TBC1D23: variants seen among roughly 807,000 people sequenced by gnomAD.
TBC1D23 encodes the protein HCV non-structural protein 4A-transactivated protein 1.
Under a neutral mutation model 91.4 loss-of-function variants are expected in TBC1D23, and 55 were observed. That is an observed-to-expected ratio of 0.60 (90% CI 0.48 to 0.75). The LOEUF is 0.75. Ranked by LOEUF, TBC1D23 falls within the 30% of genes least tolerant of loss-of-function variation. The pLI is 0.00. For missense variants in TBC1D23, 725 were observed against 836.1 expected, an observed-to-expected ratio of 0.87 and a Z score of 1.64; for synonymous variants, 289 against 281.0, an observed-to-expected ratio of 1.03 and a Z score of -0.28.
At chr3:100,273,084 C>A (rs575749950) in intron 1 of TBC1D23, among the ~76,000 whole-genome samples, 1 of 152,168 alleles carries the variant, frequency 6.6e-6, no homozygotes, top group African/African-American at 2.4e-5. Context: ...TCCCTGCCCA[C>A]GAGGCCATAT....
intron 3 of TBC1D23, among the ~76,000 whole-genome samples, chr3:100,283,310 G>A (rs1206998197): frequency 6.6e-6 from 1 of 151,906 alleles, no homozygotes; most frequent in African/African-American, 2.4e-5. Flanking sequence ...GGAGGTGGAG[G>A]TTGCAGTGAG....
chr3:100,315,920 C>G, intron 15 of TBC1D23, 179 bp from the exon 16 acceptor site: 1 of 575,770 alleles, frequency 1.7e-6, no homozygotes, highest in South Asian at 2.3e-5. Context: ...AACATAATTT[C>G]TTTATCTTCT....
chr3:100,303,263 C>T (rs1705464824), intron 11 of TBC1D23, among the ~76,000 whole-genome samples: 1 of 152,068 alleles, frequency 6.6e-6, no homozygotes. Context: ...GGATTCATTT[C>T]TATTTATGTT....
intron 4 of TBC1D23, among the ~76,000 whole-genome samples, chr3:100,288,801 T>G (rs1202593717): frequency 6.6e-6 from 1 of 152,258 alleles, no homozygotes; most frequent in Non-Finnish European, 1.5e-5. Flanking sequence ...CCTACTGGTC[T>G]AACTGAAGAT....
At chr3:100,294,203 A>C (rs1478774938) in intron 5 of TBC1D23, among the ~76,000 whole-genome samples, 1 of 152,142 alleles carries the variant, frequency 6.6e-6, no homozygotes, top group Admixed American at 6.6e-5. Context: ...TTATAAATTA[A>C]CAACTCTTAG....
chr3:100,320,686 T>C (rs1431860964), intron 17 of TBC1D23, 91 bp from the exon 18 acceptor site: 1 of 739,756 alleles, frequency 1.4e-6, no homozygotes, highest in Non-Finnish European at 2.0e-6. Flanking sequence ...GAGTTGAACA[T>C]TTCTAATAAT....
At chr3:100,305,923 A>T (rs1211778715) in intron 12 of TBC1D23, among the ~76,000 whole-genome samples, 2 of 152,190 alleles carry the variant, frequency 1.3e-5, no homozygotes, top group Non-Finnish European at 2.9e-5. Context: ...TCTGAAAAGC[A>T]TTCTTTTATA....
chr3:100,268,922 C>A, intron 1 of TBC1D23, among the ~76,000 whole-genome samples: 1 of 152,186 alleles, frequency 6.6e-6, no homozygotes, highest in East Asian at 1.9e-4. Flanking sequence ...TGCAACATTA[C>A]ACATATAGTT....
At chr3:100,309,816 G>A (rs1001574932) in intron 13 of TBC1D23, among the ~76,000 whole-genome samples, 23 of 146,150 alleles carry the variant, frequency 1.6e-4, no homozygotes, top group African/African-American at 6.2e-4. Context: ...TCACCATGTT[G>A]GCCAGTCTGG....
rs367925064 is a variant in TBC1D23, at chr3:100,298,006, C to G, written c.960C>G (p.Ile320Met). 4.3e-6 allele frequency: 7 copies of G among 1,613,350 alleles called. No homozygotes were observed. The highest frequency in any genetic ancestry group is 5.1e-6 in the Non-Finnish European group (6 of 1,179,650). ...ADLSQALCLA[I>M]SVSEILQANQ... ...TGAGTCAGGCTCTTTGTCTGGCCAT[C>G]TCCGTGTCAGAGATCCTTCAAGCGA... is the stretch of plus-strand genomic sequence containing the variant. Residue 320 changes from isoleucine (I) to methionine (M), a missense_variant, in exon 9 of 19, where the codon ATC (isoleucine) becomes ATG (methionine). Coordinates refer to ENST00000394144, the MANE Select transcript of TBC1D23 (RefSeq NM_001199198.3).
chr3:100,320,944 C>G lies in TBC1D23; in HGVS notation c.1991C>G (p.Ser664Ter). ...TTCAAGTATGGAAATAGCAGTGCTT[C>G]AGGAATAGAAATCTTGGCAATCGAA... ...ITFKYGNSSA[S>*]GIEILAIERY... The change falls in exon 18 of 19, where the codon TCA becomes TGA. Residue 664 changes from serine (S) to a stop codon, truncating the protein, a stop_gained. Transcript: ENST00000394144. LOFTEE classifies it high-confidence loss of function. 6.3e-7 allele frequency: 1 copy of G among 1,599,058 alleles called. No homozygotes were observed. The highest frequency in any genetic ancestry group is 2.2e-5 in the East Asian group (1 of 44,742).
chr3:100,295,420 C>G lies in TBC1D23; in HGVS notation c.772+72C>G, dbSNP rs1296271900. On this transcript the variant is annotated intron_variant, in intron 7 of 18. Transcript: ENST00000394144. ...GTGTAAGTTACTCAGTTTCCTCATT[C>G]GTAAATTTAGGAGATTAGTCTAGAA... The G allele has an allele frequency of 3.1e-6, 4 of 1,295,374 alleles. No individual in the cohort carries two copies. In the East Asian group the frequency reaches 7.3e-5, roughly 24 times the overall value. 80.2% of individuals were successfully genotyped at this position (1,295,374 alleles called of 1,614,324 possible). A position where few individuals can be genotyped will look rare whatever the true frequency, so the allele number is the denominator to read the frequency against.
At position 100,290,566 on chromosome 3, in the gene TBC1D23, C is replaced by T. The variant is rs1270092528; in HGVS notation, c.477-12C>T. 1.9e-6 allele frequency: 3 copies of T among 1,610,388 alleles called. No homozygotes were observed. Among genetic ancestry groups the T allele is most frequent in the South Asian group, 1.1e-5 (1 of 90,384 alleles). ...GTTAATGCAAAAAAATTTTGCTTCTCTTGTCTTCTAGGGATTGTTCCCAGA... is the reference window on the plus strand; with the variant it reads ...GTTAATGCAAAAAAATTTTGCTTCTTTTGTCTTCTAGGGATTGTTCCCAGA... On this transcript the variant is annotated splice_polypyrimidine_tract_variant and intron_variant, in intron 4 of 18. Transcript: ENST00000394144.
At chr3:100,261,239 C>A in intron 1 of TBC1D23, 168 bp downstream of exon 1, 1 of 638,762 alleles carries the variant, frequency 1.6e-6, no homozygotes, top group Non-Finnish European at 2.7e-6. Context: ...CCCTGCCTGC[C>A]TGGTTCTGCC....
chr3:100,287,005 G>C (rs2067749298), intron 4 of TBC1D23, among the ~76,000 whole-genome samples: 1 of 151,792 alleles, frequency 6.6e-6, no homozygotes, highest in African/African-American at 2.4e-5. Context: ...AGTAGAGATG[G>C]GGTTTTACCA....
rs759362240 is a variant in TBC1D23, at chr3:100,281,769, G to A, written c.193G>A (p.Asp65Asn). 5 of 1,612,554 alleles carry A rather than the reference G, an allele frequency of 3.1e-6. No individual in the cohort carries two copies. The Admixed American group carries it at 6.7e-5, about 22-fold the overall frequency. Residue 65 changes from aspartate to asparagine, a missense_variant, in exon 3 of 19, where the codon GAT becomes AAT. By Grantham distance (23) the Asp-to-Asn change is conservative. Transcript: ENST00000394144. ...KIALNVAGKG[D>N]SLASWDGILD... Reference sequence around the variant, plus strand: ...TGCTCTGAATGTTGCAGGAAAAGGTGATAGTTTGGCATCATGGGATGGTAT... The same window carrying A: ...TGCTCTGAATGTTGCAGGAAAAGGTAATAGTTTGGCATCATGGGATGGTAT...
chr3:100,280,832 G>A (rs1367964941), intron 2 of TBC1D23, among the ~76,000 whole-genome samples: 1 of 152,130 alleles, frequency 6.6e-6, no homozygotes, highest in African/African-American at 2.4e-5. Context: ...GCAAATCCTT[G>A]CTAGCATACT....
intron 1 of TBC1D23, among the ~76,000 whole-genome samples, chr3:100,268,712 G>A (rs1431167432): frequency 6.6e-6 from 1 of 152,156 alleles, no homozygotes; most frequent in Non-Finnish European, 1.5e-5. Context: ...AACTGCATTA[G>A]TGGGGTGGAA....
At chr3:100,274,694 A>G (rs2067630306) in intron 1 of TBC1D23, among the ~76,000 whole-genome samples, 1 of 150,616 alleles carries the variant, frequency 6.6e-6, no homozygotes, top group Admixed American at 6.6e-5. Flanking sequence ...AATGTTGTCA[A>G]GGTTCATCTA....
Sources: allele counts gnomAD v4.1 joint callset (sites outside exome capture counted in the v4.1 genomes callset), GRCh38; gene constraint gnomAD v4.1.1; transcripts MANE v1.5; gene names NCBI Gene and HGNC (gene_info 2026-07-23, HGNC 2026-07-21).